Variants in ZNF782 observed in about 807,000 individuals in gnomAD.
ZNF782 encodes zinc finger protein 782.
Under a neutral mutation model 13.0 loss-of-function variants are expected in ZNF782, and 12 were observed. The ratio of observed to expected loss-of-function variants is 0.92; its 90% confidence interval spans 0.59 to 1.50. The LOEUF is 1.50. Among genes scored for constraint, ZNF782 ranks in the 40% most tolerant of loss-of-function variants. The pLI, the probability that ZNF782 is intolerant of heterozygous loss-of-function variation, is 0.00. For missense variants in ZNF782, 770 were observed against 822.9 expected (o/e 0.94, Z 0.79); for synonymous variants, 284 against 283.0 (o/e 1.00, Z -0.04).
chr9:96,843,029 T>C (rs1249334394), intron 4 of ZNF782, among the ~76,000 whole-genome samples: 2 of 151,984 alleles, frequency 1.3e-5, no homozygotes, highest in Non-Finnish European at 2.9e-5. Flanking sequence ...GACTAATACA[T>C]AAAATAGCAA....
chr9:96,905,428 T>C, the ZNF782 span, among the ~76,000 whole-genome samples: 1 of 151,964 alleles, frequency 6.6e-6, no homozygotes, highest in African/African-American at 2.4e-5. Flanking sequence ...GGAACTCTCA[T>C]TTCTGGGAAC....
chr9:96,852,070 C>T, intron 2 of ZNF782, 65 bp from the exon 3 acceptor site: 1 of 1,117,210 alleles, frequency 9.0e-7, no homozygotes, highest in East Asian at 2.4e-5. Context: ...ATTAGCCTCC[C>T]CAAATCTCAG....
In ZNF782 at chr9:96,844,993, C is replaced by T. The variant is rs1315353094; in HGVS notation, c.39G>A (p.Val13=). 6.2e-7 allele frequency: 1 copy of T among 1,614,002 alleles called. No homozygotes were observed. The highest frequency in any genetic ancestry group is 8.5e-7 in the Non-Finnish European group (1 of 1,179,920). ...ACTCCTCCTGGCTGAATTCCACAGT[C>T]ACGTCCTGGAATGACACTGATGCCT... The part of the protein sequence containing the change: ...TFQASVSFQD[V]TVEFSQEEWQ... Residue 13 remains valine, a synonymous_variant, in exon 4 of 6, where the codon GTG becomes GTA. Transcript: ENST00000481138.
chr9:96,874,149 A>G (rs923759302), intron 1 of ZNF782, among the ~76,000 whole-genome samples: 9 of 152,334 alleles, frequency 5.9e-5, no homozygotes, highest in African/African-American at 1.9e-4. Context: ...ACAAGCTACT[A>G]AAACATGGAT....
In ZNF782 at chr9:96,827,071, G is replaced by A; in HGVS notation, c.244+9C>T. 1 of 1,589,006 alleles carries A rather than the reference G, an allele frequency of 6.3e-7. No individual in the cohort carries two copies. The highest frequency in any genetic ancestry group is 8.6e-7 in the Non-Finnish European group (1 of 1,161,814). On this transcript the variant is annotated intron_variant, in intron 5 of 5. Transcript: ENST00000481138. Reference sequence around the variant, plus strand: ...GAGAACCTTCTTCTTGTTGAATTCAGTAACTCACCTGGGGAGTTCCTGCTT... The same window carrying A: ...GAGAACCTTCTTCTTGTTGAATTCAATAACTCACCTGGGGAGTTCCTGCTT...
At chr9:96,827,230 C>T (rs1588151840) in intron 4 of ZNF782, 49 bp from the exon 5 acceptor site, 1 of 1,379,104 alleles carries the variant, frequency 7.3e-7, no homozygotes, top group East Asian at 2.4e-5. Flanking sequence ...ATAGGTTCTA[C>T]TGTTTCTGAA....
chr9:96,846,660 T>C (rs1021624788), intron 3 of ZNF782, among the ~76,000 whole-genome samples: 2 of 152,146 alleles, frequency 1.3e-5, no homozygotes, highest in African/African-American at 4.8e-5. Context: ...CCCAAATTTA[T>C]ATGCACTTAA....
At chr9:96,861,066 G>C (rs1851697436) in intron 2 of ZNF782, among the ~76,000 whole-genome samples, 1 of 152,142 alleles carries the variant, frequency 6.6e-6, no homozygotes, top group South Asian at 2.1e-4. Flanking sequence ...GGGAAACACA[G>C]TGAGTTTCTG....
intron 1 of ZNF782, among the ~76,000 whole-genome samples, chr9:96,869,253 C>T (rs961077151): frequency 4.6e-5 from 7 of 152,140 alleles, no homozygotes; most frequent in African/African-American, 7.2e-5. Context: ...TTATAGATAT[C>T]ATCTCTTCTG....
chr9:96,879,210 C>G (rs944367247), upstream of ZNF782, among the ~76,000 whole-genome samples: 3 of 152,154 alleles, frequency 2.0e-5, no homozygotes, highest in Non-Finnish European at 4.4e-5. Flanking sequence ...ATACTTAGGC[C>G]GGGCGCAGTG....
At chr9:96,917,664 T>G in the ZNF782 span, among the ~76,000 whole-genome samples, 1 of 151,592 alleles carries the variant, frequency 6.6e-6, no homozygotes, top group Non-Finnish European at 1.5e-5. Flanking sequence ...ACTCCTGACC[T>G]CATGATCCAC....
intron 4 of ZNF782, among the ~76,000 whole-genome samples, chr9:96,836,952 G>A (rs998321237): frequency 2.0e-5 from 3 of 152,058 alleles, no homozygotes; most frequent in African/African-American, 7.2e-5. Context: ...GCAGTATGAT[G>A]CCCTCATTAG....
the ZNF782 span, among the ~76,000 whole-genome samples, chr9:96,903,566 T>G: frequency 7.8e-6 from 1 of 128,040 alleles, no homozygotes; most frequent in African/African-American, 3.0e-5. Context: ...GTTTTTTTTT[T>G]TTTTTTTTTT....
chr9:96,820,887 T>C (rs1850396463), intron 5 of ZNF782, among the ~76,000 whole-genome samples: 1 of 152,208 alleles, frequency 6.6e-6, no homozygotes, highest in Non-Finnish European at 1.5e-5. Flanking sequence ...TCTTAACTTT[T>C]GTCTTTTCAG....
At chr9:96,915,760 G>A in the ZNF782 span, among the ~76,000 whole-genome samples, 196 of 151,648 alleles carry the variant, frequency 1.3e-3, 1 homozygote, top group African/African-American at 4.3e-3. Context: ...ATGTGGCAGT[G>A]AGCAGGAGAA....
At chr9:96,885,916 T>C in the ZNF782 span, among the ~76,000 whole-genome samples, 2 of 152,124 alleles carry the variant, frequency 1.3e-5, no homozygotes, top group African/African-American at 2.4e-5. Context: ...GGTGCAATCA[T>C]GGCTTACTTC....
chr9:96,834,739 A>C (rs921876384), intron 4 of ZNF782, among the ~76,000 whole-genome samples: 1 of 152,238 alleles, frequency 6.6e-6, no homozygotes, highest in Non-Finnish European at 1.5e-5. Context: ...TGTTACGGCA[A>C]CACAAAACAG....
chr9:96,893,018 G>A, the ZNF782 span: 1 of 151,950 alleles, frequency 6.6e-6, no homozygotes, highest in Non-Finnish European at 1.5e-5. Flanking sequence ...TCTTTTTAAA[G>A]AGTTTATTCT....
At chr9:96,847,981 G>T (rs181957205) in intron 3 of ZNF782, among the ~76,000 whole-genome samples, 166 of 152,278 alleles carry the variant, frequency 1.1e-3, no homozygotes, top group Non-Finnish European at 1.1e-3. Context: ...GATTAGGTAG[G>T]TTTCACCTCA....
Sources: gnomAD v4.1 joint callset for allele counts (sites outside exome capture counted in the v4.1 genomes callset) on GRCh38, gnomAD v4.1.1 for gene constraint, MANE v1.5 for transcripts, NCBI Gene and HGNC (gene_info 2026-07-23, HGNC 2026-07-21) for gene names.